Variants in CSMD1 observed in about 807,000 individuals in gnomAD.
CSMD1 encodes the protein CUB and Sushi multiple domains 1, also known as CUB and sushi domain-containing protein 1.
Under a neutral mutation model 417.5 loss-of-function variants are expected in CSMD1, and 213 were observed. The observed-to-expected ratio is 0.51, with a 90% CI of 0.46 to 0.57. The LOEUF (loss-of-function observed/expected upper bound fraction) is 0.57. CSMD1 is among the 20% of genes least tolerant of loss of function. CSMD1 has a pLI of 0.00. For missense variants in CSMD1, 6,923 were observed against 4,529.7 expected (o/e 1.53, Z -15.17); for synonymous variants, 2,862 against 1,736.8 (o/e 1.65, Z -16.11).
intron 3 of CSMD1, among the ~76,000 whole-genome samples, chr8:4,041,106 T>C (rs1190049240): frequency 7.1e-6 from 1 of 140,504 alleles, no homozygotes; most frequent in Admixed American, 7.5e-5. Flanking sequence ...AAGCTCCGCC[T>C]CCCGGGTTCC....
At chr8:3,639,966 T>G (rs769917954) in intron 7 of CSMD1, among the ~76,000 whole-genome samples, 27 of 152,350 alleles carry the variant, frequency 1.8e-4, no homozygotes, top group Non-Finnish European at 3.8e-4. Context: ...GTTCACTATT[T>G]TATGGCTAGC....
chr8:3,793,306 C>T (rs574335823), intron 5 of CSMD1, among the ~76,000 whole-genome samples: 1 of 152,294 alleles, frequency 6.6e-6, no homozygotes, highest in East Asian at 1.9e-4. Context: ...TTAGAATTTC[C>T]ATTCCCATCT....
intron 48 of CSMD1, among the ~76,000 whole-genome samples, chr8:3,091,085 G>C (rs6993050): frequency 0.012 from 1,825 of 151,936 alleles, 33 homozygotes; most frequent in African/African-American, 0.042. Context: ...TATGTAGTGT[G>C]AAACATACAT....
intron 5 of CSMD1, among the ~76,000 whole-genome samples, chr8:3,990,145 AC>A (rs1444509442): frequency 6.6e-6 from 1 of 152,214 alleles, no homozygotes. Context: ...ATTTAGTTTT[AC>A]TTTTTTATTG....
rs138191169 is a variant in CSMD1, at chr8:4,845,717, G to A, written c.85+148615C>T. Among the ~76,000 whole-genome samples the A allele has an allele frequency of 2.1e-4, 32 of 152,296 alleles. No individual in the cohort carries two copies. In the East Asian group the frequency reaches 4.3e-3, roughly 20 times the overall value. ...AGGAGACAATGGTGTGCTGTTTGCC[G>A]AAAGCACAGAGAGGGAGCACTGGCC... On this transcript the variant is annotated intron_variant, in intron 1 of 69. Coordinates refer to ENST00000635120, the MANE Select transcript of CSMD1 (RefSeq NM_033225.6).
chr8:3,509,280 T>TA (rs548361311), intron 10 of CSMD1, among the ~76,000 whole-genome samples: 4 of 152,164 alleles, frequency 2.6e-5, no homozygotes, highest in Non-Finnish European at 4.4e-5. Context: ...GGACAATGAC[T>TA]AAAAAATATA....
At chr8:4,484,960 G>C (rs1399037778) in intron 2 of CSMD1, among the ~76,000 whole-genome samples, 1 of 103,984 alleles carries the variant, frequency 9.6e-6, no homozygotes, top group Admixed American at 1.6e-4. Context: ...CAACCTGGTT[G>C]ACAGAGTGAG....
chr8:3,186,200 G>A (rs959599590), intron 36 of CSMD1, among the ~76,000 whole-genome samples: 1 of 151,966 alleles, frequency 6.6e-6, no homozygotes, highest in African/African-American at 2.4e-5. Flanking sequence ...AATGAGAGAG[G>A]CCTTATCTTG....
chr8:3,316,464 T>A (rs554639542), intron 23 of CSMD1, among the ~76,000 whole-genome samples: 2 of 151,934 alleles, frequency 1.3e-5, no homozygotes, highest in African/African-American at 4.8e-5. Context: ...AATGCTATGG[T>A]TTGCGTGAAG....
chr8:3,418,804 A>T (rs1250053814), intron 12 of CSMD1, among the ~76,000 whole-genome samples: 3 of 152,196 alleles, frequency 2.0e-5, no homozygotes, highest in Non-Finnish European at 2.9e-5. Context: ...AGGAAATGAG[A>T]AGGAAGAATG....
At chr8:4,496,344 C>A (rs1801977036) in intron 2 of CSMD1, among the ~76,000 whole-genome samples, 1 of 152,144 alleles carries the variant, frequency 6.6e-6, no homozygotes, top group African/African-American at 2.4e-5. Flanking sequence ...CTCAGACTGC[C>A]TCCAGTGATC....
At chr8:4,302,738 AT>A (rs1383609644) in intron 3 of CSMD1, among the ~76,000 whole-genome samples, 1 of 152,132 alleles carries the variant, frequency 6.6e-6, no homozygotes, top group Non-Finnish European at 1.5e-5. Flanking sequence ...TCATTAAGTC[AT>A]TTAGTTTTTT....
intron 3 of CSMD1, among the ~76,000 whole-genome samples, chr8:4,169,708 T>G (rs1343705439): frequency 1.3e-5 from 2 of 152,144 alleles, no homozygotes; most frequent in South Asian, 2.1e-4. Context: ...GTGCATGGCT[T>G]GCTCCCTACC....
chr8:3,464,700 A>T (rs1816702530), intron 12 of CSMD1, among the ~76,000 whole-genome samples: 1 of 151,794 alleles, frequency 6.6e-6, no homozygotes, highest in Non-Finnish European at 1.5e-5. Context: ...AATATATACT[A>T]GTCATATAGA....
At chr8:4,981,639 G>A (rs773144776) in intron 1 of CSMD1, among the ~76,000 whole-genome samples, 1 of 152,162 alleles carries the variant, frequency 6.6e-6, no homozygotes, top group East Asian at 1.9e-4. Flanking sequence ...CTGACTGTGA[G>A]ATGATCTTTT....
chr8:4,705,657 C>G (rs1237443828), intron 1 of CSMD1, among the ~76,000 whole-genome samples: 2 of 152,072 alleles, frequency 1.3e-5, no homozygotes, highest in African/African-American at 4.8e-5. Flanking sequence ...TCTTTCCGGC[C>G]CTTGTATCTC....
intron 26 of CSMD1, among the ~76,000 whole-genome samples, chr8:3,245,379 G>C (rs909989493): frequency 6.6e-5 from 10 of 152,176 alleles, no homozygotes; most frequent in Non-Finnish European, 1.0e-4. Context: ...CTCCCTGCAG[G>C]AGATAAAGGA....
At chr8:3,593,959 T>C (rs938337549) in intron 8 of CSMD1, among the ~76,000 whole-genome samples, 9 of 152,190 alleles carry the variant, frequency 5.9e-5, no homozygotes, top group Admixed American at 2.0e-4. Context: ...AACAAGGTGC[T>C]AAAAAGTTTT....
In CSMD1 at chr8:4,144,058, G is replaced by C. The variant is rs991149568; in HGVS notation, c.416-111959C>G. Among the ~76,000 whole-genome samples the C allele has an allele frequency of 5.3e-5, 8 of 151,324 alleles. No individual in the cohort carries two copies. The East Asian group carries it at 1.6e-3, about 29-fold the overall frequency. On this transcript the variant is annotated intron_variant, in intron 3 of 69. Transcript: ENST00000635120. ...CTTTGATCCTTTGTTGTTAGGAAAT[G>C]GGGAGACGGAAGTTTTTCCTTTCCA...
Sources: gnomAD v4.1 joint callset for allele counts (sites outside exome capture counted in the v4.1 genomes callset) on GRCh38, gnomAD v4.1.1 for gene constraint, MANE v1.5 for transcripts, NCBI Gene and HGNC (gene_info 2026-07-23, HGNC 2026-07-21) for gene names.